The following PLEKHH2 variants were observed in gnomAD, a reference collection of about 807,000 sequenced individuals.
The protein encoded by PLEKHH2 is pleckstrin homology, MyTH4 and FERM domain containing H2.
A neutral mutation model predicts 187.9 loss-of-function variants in PLEKHH2; 129 were observed. That is an observed-to-expected ratio of 0.69 (90% CI 0.59 to 0.79). The LOEUF (loss-of-function observed/expected upper bound fraction) is 0.79, where lower values mean the gene tolerates loss of function less well. Ranked by LOEUF, PLEKHH2 falls within the 30% of genes least tolerant of loss-of-function variation. PLEKHH2 has a pLI of 0.00. For missense variants in PLEKHH2, 2,076 were observed against 1,751.2 expected, an observed-to-expected ratio of 1.19 and a Z score of -3.31; for synonymous variants, 686 against 605.6, an observed-to-expected ratio of 1.13 and a Z score of -1.95.
At chr2:43,754,165 TACACACACACACACACAC>T (rs373399236) in intron 25 of PLEKHH2, among the ~76,000 whole-genome samples, 17 of 118,016 alleles carry the variant, frequency 1.4e-4, no homozygotes, top group Non-Finnish European at 2.6e-4. Context: ...TTCAATCTTC[TACACACACACACACACAC>T]ACACACACAC....
chr2:43,675,712 G>T (rs1348635483), intron 2 of PLEKHH2: 5 of 1,613,760 alleles, frequency 3.1e-6, no homozygotes, highest in Non-Finnish European at 4.2e-6. Flanking sequence ...ATCTGCACAG[G>T]TCTCAGAGTT....
chr2:43,657,050 CAAAAAAA>C (rs1666810742), intron 2 of PLEKHH2, among the ~76,000 whole-genome samples: 1 of 137,716 alleles, frequency 7.3e-6, no homozygotes, highest in Non-Finnish European at 1.6e-5. Context: ...CAAAATAAAA[CAAAAAAA>C]CCTTAGTGGC....
chr2:43,653,419 C>T (rs1666585008), intron 2 of PLEKHH2, among the ~76,000 whole-genome samples: 1 of 152,118 alleles, frequency 6.6e-6, no homozygotes, highest in Non-Finnish European at 1.5e-5. Context: ...TTATATCAAA[C>T]CCAGAATTCT....
At chr2:43,721,133 C>T (rs1670458803) in intron 16 of PLEKHH2, among the ~76,000 whole-genome samples, 1 of 152,168 alleles carries the variant, frequency 6.6e-6, no homozygotes, top group African/African-American at 2.4e-5. Flanking sequence ...CTGTCCCAAG[C>T]CCTCAAATTC....
intron 23 of PLEKHH2, among the ~76,000 whole-genome samples, chr2:43,744,867 C>CAAAAAAAAAAAAAAA (rs774106764): frequency 2.2e-4 from 18 of 82,622 alleles, no homozygotes; most frequent in Non-Finnish European, 3.2e-4. Context: ...GACTGTCTCA[C>CAAAAAAAAAAAAAAA]AAAAAAAAAA....
At chr2:43,679,594 C>G (rs1195455782) in intron 3 of PLEKHH2, 1 of 286,510 alleles carries the variant, frequency 3.5e-6, no homozygotes, top group Non-Finnish European at 6.7e-6. Flanking sequence ...CTCCCGGGTT[C>G]AAGTGATTCT....
chr2:43,693,741 G>T (rs1027649486), intron 4 of PLEKHH2, among the ~76,000 whole-genome samples: 1 of 84,826 alleles, frequency 1.2e-5, no homozygotes. Flanking sequence ...AAAAAAAAAA[G>T]GAAAAAATTG....
rs550916006 is a variant in PLEKHH2, at chr2:43,745,093, C to A, written c.3556-773C>A. 8.5e-5 allele frequency among the ~76,000 whole-genome samples: 13 copies of A among 152,178 alleles called. No individual in the cohort carries two copies. The South Asian group carries it at 2.7e-3, about 32-fold the overall frequency. ...CTTTGGGAGGCCAAGGCAGGCAGAT[C>A]ATTTGAGGTCAGGAGTTCAAGACCA... On this transcript the variant is annotated intron_variant, in intron 23 of 29. Coordinates refer to ENST00000282406, the MANE Select transcript of PLEKHH2 (RefSeq NM_172069.4).
At chr2:43,725,181 GCT>G (rs773364134) in intron 16 of PLEKHH2, among the ~76,000 whole-genome samples, 2 of 152,112 alleles carry the variant, frequency 1.3e-5, no homozygotes, top group Non-Finnish European at 2.9e-5. Context: ...TTTTTTATCA[GCT>G]CTGTCTCATT....
intron 19 of PLEKHH2, among the ~76,000 whole-genome samples, chr2:43,736,914 G>A (rs1256575493): frequency 6.6e-6 from 1 of 152,164 alleles, no homozygotes; most frequent in Admixed American, 6.5e-5. Flanking sequence ...TTTCATCTGA[G>A]AACTGATAAG....
chr2:43,680,706 C>T (rs112002997), intron 3 of PLEKHH2: 18 of 410,996 alleles, frequency 4.4e-5, no homozygotes, highest in Middle Eastern at 6.9e-4. Flanking sequence ...GTAAGCCTTC[C>T]GAAGGAAATT....
chr2:43,712,418 A>C (rs201129879), intron 15 of PLEKHH2, 35 bp downstream of exon 15: 11 of 1,595,104 alleles, frequency 6.9e-6, no homozygotes, highest in Non-Finnish European at 9.4e-6. Context: ...TGTCCCAGGC[A>C]GCTATGGGCA....
At chr2:43,681,394 G>T in intron 3 of PLEKHH2, 1 of 1,543,810 alleles carries the variant, frequency 6.5e-7, no homozygotes, top group Non-Finnish European at 8.8e-7. Flanking sequence ...GGTTCTTGTC[G>T]ACTTTGTTCT....
At position 43,710,138 on chromosome 2, in the gene PLEKHH2, A is replaced by G. The variant is rs773639083; in HGVS notation, c.2103+12A>G. 3.1e-6 allele frequency: 5 copies of G among 1,610,610 alleles called. No homozygotes were observed. The highest frequency in any genetic ancestry group is 2.5e-6 in the Non-Finnish European group (3 of 1,178,876). ...ATAATGGGAAAAATGTAAATATTGA[A>G]TATGATTTTTAAAAAGCAGTCAGTC... On this transcript the variant is annotated intron_variant, in intron 12 of 29. Coordinates refer to ENST00000282406, the MANE Select transcript of PLEKHH2 (RefSeq NM_172069.4).
rs747498363 is a variant in PLEKHH2, at chr2:43,742,908, G to A, written c.3389G>A (p.Gly1130Glu). The A allele has an allele frequency of 1.4e-5, 22 of 1,538,498 alleles. No homozygotes were observed. In the Admixed American group the frequency reaches 1.5e-4, roughly 10 times the overall value. Residue 1130 changes from glycine (G) to glutamate (E), a missense_variant, in exon 22 of 30, where the codon GGG (glycine) becomes GAG (glutamate). Gly to Glu is a moderately conservative substitution (Grantham distance 98). Transcript: ENST00000282406. ...AGTATACCTGTGCACTTCATGAATG[G>A]GATATACCAGGTAGGTTACCTGATG... ...PFSIPVHFMN[G>E]IYQVVGFDAS...
chr2:43,683,383 C>A (rs995181004), intron 3 of PLEKHH2, among the ~76,000 whole-genome samples: 1 of 152,030 alleles, frequency 6.6e-6, no homozygotes, highest in African/African-American at 2.4e-5. Flanking sequence ...AGGTGATCCG[C>A]CCACCTTGGC....
intron 2 of PLEKHH2, among the ~76,000 whole-genome samples, chr2:43,650,144 CTTTTTT>C (rs70965311): frequency 1.0e-4 from 10 of 95,676 alleles, no homozygotes; most frequent in East Asian, 5.0e-4. Flanking sequence ...TTTTTCTTTC[CTTTTTT>C]TTTTTTTTTT....
intron 2 of PLEKHH2, chr2:43,676,431 G>T: frequency 1.3e-6 from 1 of 793,654 alleles, no homozygotes; most frequent in Non-Finnish European, 1.9e-6. Flanking sequence ...GGCCACTCTA[G>T]CTGCGGGAGG....
At chr2:43,651,430 G>A (rs17031171) in intron 2 of PLEKHH2, among the ~76,000 whole-genome samples, 2,113 of 152,234 alleles carry the variant, frequency 0.014, 52 homozygotes, top group African/African-American at 0.049. Context: ...TCTGTGATAA[G>A]TTCCCTGATA....
Sources: allele counts gnomAD v4.1 joint callset (sites outside exome capture counted in the v4.1 genomes callset), GRCh38; gene constraint gnomAD v4.1.1; transcripts MANE v1.5; gene names NCBI Gene and HGNC (gene_info 2026-07-23, HGNC 2026-07-21).